TMPRSS15: variants seen among roughly 807,000 people sequenced by gnomAD.
TMPRSS15 encodes transmembrane serine protease 15, also known as enteropeptidase.
TMPRSS15 carries 128 observed loss-of-function variants against 125.3 expected under a neutral mutation model. That is an observed-to-expected ratio of 1.02 (90% CI 0.89 to 1.18). TMPRSS15 has a LOEUF of 1.18. TMPRSS15 is among the 50% of genes most tolerant of loss of function. The probability of loss-of-function intolerance (pLI) is 0.00; values close to 1 mark genes in which losing one functional copy is unlikely to be tolerated. For synonymous variants in TMPRSS15, 446 were observed against 423.2 expected (o/e 1.05, Z -0.66); for missense variants, 1,283 against 1,212.7 (o/e 1.06, Z -0.86).
intron 21 of TMPRSS15, among the ~76,000 whole-genome samples, chr21:18,288,528 C>CTTTTTT (rs149147539): frequency 1.0e-4 from 10 of 96,964 alleles, no homozygotes; most frequent in Non-Finnish European, 1.1e-4. Context: ...AATGCTCTTC[C>CTTTTTT]TTTTTTTTTT....
At chr21:18,483,222 C>A (rs1029314541) in intron 1 of TMPRSS15, among the ~76,000 whole-genome samples, 4 of 151,732 alleles carry the variant, frequency 2.6e-5, no homozygotes, top group African/African-American at 9.7e-5. Flanking sequence ...TAGTTTTGAT[C>A]AAAGCGCACT....
chr21:18,401,898 G>A (rs2076098067), intron 1 of TMPRSS15, among the ~76,000 whole-genome samples: 1 of 152,004 alleles, frequency 6.6e-6, no homozygotes, highest in Non-Finnish European at 1.5e-5. Context: ...ACCTTTGTAT[G>A]TTTATTGAAC....
chr21:18,453,390 G>A (rs764735591), intron 1 of TMPRSS15, among the ~76,000 whole-genome samples: 1 of 152,194 alleles, frequency 6.6e-6, no homozygotes, highest in Non-Finnish European at 1.5e-5. Context: ...TAGAATGTGT[G>A]TATGTGTGCA....
chr21:18,478,735 T>C (rs1978925434), intron 1 of TMPRSS15, among the ~76,000 whole-genome samples: 1 of 152,012 alleles, frequency 6.6e-6, no homozygotes, highest in Non-Finnish European at 1.5e-5. Context: ...ATTGAGGTTA[T>C]AGATTCTTGG....
intron 10 of TMPRSS15, among the ~76,000 whole-genome samples, chr21:18,352,053 A>G (rs2147004429): frequency 7.5e-6 from 1 of 132,856 alleles, no homozygotes; most frequent in South Asian, 2.5e-4. Context: ...AGAAAATTAT[A>G]TAAATTCACA....
chr21:18,300,963 A>G (rs2074965699), intron 18 of TMPRSS15, among the ~76,000 whole-genome samples: 1 of 152,148 alleles, frequency 6.6e-6, no homozygotes, highest in African/African-American at 2.4e-5. Context: ...ACATATACAC[A>G]TGGATAAAAG....
At chr21:18,384,797 T>A (rs2075927906) in intron 3 of TMPRSS15, among the ~76,000 whole-genome samples, 2 of 152,212 alleles carry the variant, frequency 1.3e-5, no homozygotes, top group Admixed American at 1.3e-4. Context: ...GAGTTATATA[T>A]TCTTGTGATA....
chr21:18,290,892 T>C (rs957913897), intron 21 of TMPRSS15, among the ~76,000 whole-genome samples: 8 of 152,058 alleles, frequency 5.3e-5, no homozygotes, highest in African/African-American at 1.9e-4. Context: ...CAGAGGAAAA[T>C]GTAAGCAATT....
chr21:18,415,228 T>C (rs1167461794), intron 1 of TMPRSS15, among the ~76,000 whole-genome samples: 2 of 152,128 alleles, frequency 1.3e-5, no homozygotes, highest in Non-Finnish European at 1.5e-5. Context: ...GCTATTGATT[T>C]GTGAGTTCCT....
chr21:18,456,081 CAAAT>C (rs1276132585), intron 1 of TMPRSS15, among the ~76,000 whole-genome samples: 4 of 151,990 alleles, frequency 2.6e-5, no homozygotes, highest in African/African-American at 9.7e-5. Flanking sequence ...TTAGAAAAGT[CAAAT>C]AATTATTTTT....
At chr21:18,361,347 G>A (rs755167847) in intron 7 of TMPRSS15, among the ~76,000 whole-genome samples, 2 of 152,004 alleles carry the variant, frequency 1.3e-5, no homozygotes, top group Non-Finnish European at 1.5e-5. Flanking sequence ...AAGTGTGTAC[G>A]GGAGAAAACA....
intron 14 of TMPRSS15, among the ~76,000 whole-genome samples, chr21:18,330,928 C>A (rs1601344603): frequency 6.6e-6 from 1 of 152,026 alleles, no homozygotes; most frequent in African/African-American, 2.4e-5. Context: ...AAAAAATTAG[C>A]GGGGCCTGGT....
At chr21:18,352,787 C>T in intron 10 of TMPRSS15, 116 bp downstream of exon 10, 1 of 1,092,036 alleles carries the variant, frequency 9.2e-7, no homozygotes, top group Non-Finnish European at 1.4e-6. Flanking sequence ...TTTAAAAAAC[C>T]CAAAAAGACT....
intron 1 of TMPRSS15, among the ~76,000 whole-genome samples, chr21:18,413,312 T>TTCCTTCCTTCC (rs1555911459): frequency 6.3e-5 from 6 of 94,862 alleles, no homozygotes; most frequent in African/African-American, 1.2e-4. Context: ...TTTTCTTTCT[T>TTCCTTCCTTCC]TTCCTTCCTT....
intron 1 of TMPRSS15, among the ~76,000 whole-genome samples, chr21:18,474,794 C>T (rs1000612684): frequency 4.6e-5 from 7 of 152,098 alleles, no homozygotes; most frequent in African/African-American, 7.2e-5. Context: ...ATAGAAAAGG[C>T]GGTCAGATTA....
intron 1 of TMPRSS15, among the ~76,000 whole-genome samples, chr21:18,482,040 G>A (rs892338320): frequency 6.6e-6 from 1 of 151,176 alleles, no homozygotes; most frequent in Non-Finnish European, 1.5e-5. Context: ...ATTTACATTA[G>A]CATTAATATA....
intron 3 of TMPRSS15, among the ~76,000 whole-genome samples, chr21:18,392,670 T>C (rs1384704805): frequency 3.9e-5 from 6 of 152,168 alleles, no homozygotes; most frequent in African/African-American, 1.4e-4. Flanking sequence ...CAATTAGTCT[T>C]TTTTCACACT....
At chr21:18,307,365 G>T (rs951789471) in intron 18 of TMPRSS15, among the ~76,000 whole-genome samples, 1 of 152,112 alleles carries the variant, frequency 6.6e-6, no homozygotes, top group African/African-American at 2.4e-5. Flanking sequence ...GAAGGACTAC[G>T]ATTCGTGGGA....
intron 14 of TMPRSS15, among the ~76,000 whole-genome samples, 194 bp from the exon 15 acceptor site, chr21:18,329,488 A>T (rs2075324135): frequency 1.3e-5 from 2 of 151,388 alleles, no homozygotes; most frequent in South Asian, 4.2e-4. Flanking sequence ...TGGTTTAGTC[A>T]ATTATATTTA....
Sources: gnomAD v4.1 joint callset for allele counts (sites outside exome capture counted in the v4.1 genomes callset) on GRCh38, gnomAD v4.1.1 for gene constraint, MANE v1.5 for transcripts, NCBI Gene and HGNC (gene_info 2026-07-23, HGNC 2026-07-21) for gene names.